TMEM63C: variants seen among roughly 807,000 people sequenced by gnomAD.
TMEM63C encodes osmosensitive cation channel TMEM63C.
TMEM63C carries 32 observed loss-of-function variants against 99.2 expected under a neutral mutation model. The observed-to-expected ratio is 0.32, with a 90% CI of 0.24 to 0.43. The LOEUF (loss-of-function observed/expected upper bound fraction) is 0.43. Among genes scored for constraint, TMEM63C ranks in the 20% least tolerant of loss-of-function variants. The pLI is 1.00. For synonymous variants in TMEM63C, 376 were observed against 397.9 expected (o/e 0.94, Z 0.66); for missense variants, 826 against 1,053.0 (o/e 0.78, Z 2.98).
At chr14:77,239,345 G>C in intron 10 of TMEM63C, 67 bp from the exon 11 acceptor site, 1 of 1,539,582 alleles carries the variant, frequency 6.5e-7, no homozygotes, top group Non-Finnish European at 9.0e-7. Context: ...GACATGCTGG[G>C]CAGGGGGTAG....
chr14:77,244,470 T>G lies in TMEM63C; in HGVS notation c.1448+15T>G, dbSNP rs1594868315. On this transcript the variant is annotated intron_variant, in intron 16 of 23. Coordinates refer to ENST00000298351, the MANE Select transcript of TMEM63C (RefSeq NM_020431.4). ...CACTGGACCAGGTGACCTGGGGGCC[T>G]CCTCTCGTAGCCCTGTGGTTTCTCC... 2 of 1,601,074 alleles carry G rather than the reference T, an allele frequency of 1.2e-6. No homozygotes were observed. The highest frequency in any genetic ancestry group is 4.5e-5 in the East Asian group (2 of 44,810).
At position 77,238,780 on chromosome 14, in the gene TMEM63C, G is replaced by T; in HGVS notation, c.725+13G>T. 1 of 1,611,794 alleles carries T rather than the reference G, an allele frequency of 6.2e-7. No homozygotes were observed. Among genetic ancestry groups the T allele is most frequent in the South Asian group, 1.1e-5 (1 of 91,004 alleles). The stretch of plus-strand genomic sequence containing the variant: ...TTAAGCATTTTCAGTAAGTGGGTTG[G>T]GGTAGGCCAAGGCGTGGATTGCTTC... On this transcript the variant is annotated intron_variant, in intron 10 of 23. Coordinates refer to ENST00000298351, the MANE Select transcript of TMEM63C (RefSeq NM_020431.4).
Position 77,258,778 on chromosome 14 carries a change from T to TCCCTGGC in TMEM63C, c.*2058_*2064dup, listed in dbSNP as rs1244681278. 6.6e-6 allele frequency: 1 copy of TCCCTGGC among 152,520 alleles called. No individual in the cohort carries two copies. The highest frequency in any genetic ancestry group is 1.5e-5 in the Non-Finnish European group (1 of 68,342). The allele number at this position is 152,520 out of a possible 1,614,324, so 9.4% of individuals were successfully genotyped here. ...GGGTCTCTTCTTTGCTGGACACAGCTCCCTGGCCCCTGCCCCCAGCCCCTG... is the reference window on the plus strand; with the variant it reads ...GGGTCTCTTCTTTGCTGGACACAGCTCCCTGGCCCCTGGCCCCTGCCCCCAGCCCCTG... On this transcript the variant is annotated 3_prime_UTR_variant, in exon 24 of 24. Coordinates refer to ENST00000298351, the MANE Select transcript of TMEM63C (RefSeq NM_020431.4).
intron 21 of TMEM63C, 150 bp from the exon 22 acceptor site, chr14:77,251,639 G>T (rs1032269720): frequency 3.2e-6 from 2 of 634,784 alleles, no homozygotes; most frequent in Non-Finnish European, 2.8e-6. Context: ...ATGTTATTTT[G>T]TCAGACTCCT....
At chr14:77,239,146 G>C (rs764936709) in intron 10 of TMEM63C, among the ~76,000 whole-genome samples, 3 of 152,194 alleles carry the variant, frequency 2.0e-5, no homozygotes, top group Non-Finnish European at 4.4e-5. Flanking sequence ...TTATCTCTTC[G>C]TGAACAGCTG....
chr14:77,214,059 C>G (rs539572772), intron 2 of TMEM63C, among the ~76,000 whole-genome samples: 3 of 152,256 alleles, frequency 2.0e-5, no homozygotes, highest in African/African-American at 7.2e-5. Context: ...GCTTCAATCC[C>G]TTTACCTTCA....
At chr14:77,186,422 G>A (rs531398946) in intron 1 of TMEM63C, among the ~76,000 whole-genome samples, 1 of 152,294 alleles carries the variant, frequency 6.6e-6, no homozygotes, top group Admixed American at 6.5e-5. Flanking sequence ...AAATGCTTCA[G>A]GCCATGCATG....
rs1291599552 is a variant in TMEM63C at position 77,236,359 on chromosome 14, T to A, written c.543-265T>A. ...GGGGGTATGGGCAGACTGTGGTGGG[T>A]GGGGGGTATGGGCAGACTGGTGGGG... On this transcript the variant is annotated intron_variant, in intron 8 of 23. Transcript: ENST00000298351. Among the ~76,000 whole-genome samples the A allele has an allele frequency of 3.6e-4, 2 of 5,594 alleles. 1 individual carries two copies. The highest frequency in any genetic ancestry group is 5.0e-3 in the Admixed American group (2 of 404). 3.7% of individuals were successfully genotyped at this position (5,594 alleles called of 152,430 possible).
intron 1 of TMEM63C, among the ~76,000 whole-genome samples, chr14:77,199,102 A>G (rs1373480343): frequency 6.6e-6 from 1 of 152,176 alleles, no homozygotes; most frequent in Non-Finnish European, 1.5e-5. Flanking sequence ...AAAGAAAGGG[A>G]GGGCAATCAG....
In TMEM63C at chr14:77,253,513, T is replaced by C. The variant is rs1400399208; in HGVS notation, c.2220+137T>C. On this transcript the variant is annotated intron_variant, in intron 23 of 23. Coordinates refer to ENST00000298351, the MANE Select transcript of TMEM63C (RefSeq NM_020431.4). ...GGAGATGGGGGACCCCTGGGCTCCC[T>C]CCTCTAATGGAGCAGGACTTGGCCC... is the stretch of plus-strand genomic sequence containing the variant. 1.2e-5 allele frequency: 10 copies of C among 800,996 alleles called. No individual in the cohort carries two copies. The Admixed American group carries it at 2.1e-4, about 16-fold the overall frequency. 49.6% of individuals were successfully genotyped at this position (800,996 alleles called of 1,614,324 possible). A position where few individuals can be genotyped will look rare whatever the true frequency, so the allele number is the denominator to read the frequency against.
intron 6 of TMEM63C, among the ~76,000 whole-genome samples, chr14:77,231,343 C>A (rs1430482058): frequency 6.6e-6 from 1 of 152,134 alleles, no homozygotes; most frequent in Non-Finnish European, 1.5e-5. Flanking sequence ...GAGTGTGTAT[C>A]TGTAACAGAG....
chr14:77,256,586 G>A lies in TMEM63C; in HGVS notation c.2281G>A (p.Ala761Thr). The A allele has an allele frequency of 6.2e-7, 1 of 1,614,032 alleles. No homozygotes were observed. The highest frequency in any genetic ancestry group is 2.2e-5 in the East Asian group (1 of 44,884). Residue 761 changes from alanine to threonine, a missense_variant, in exon 24 of 24, where the codon GCC (alanine) becomes ACC (threonine). Coordinates refer to ENST00000298351, the MANE Select transcript of TMEM63C (RefSeq NM_020431.4). ...ELNLTPASSP[A>T]RHTYGTMNNQ... ...GAATCTGACCCCCGCCTCCTCCCCAGCCAGGCACACCTATGGCACCATGAA... is the reference window on the plus strand; with the variant it reads ...GAATCTGACCCCCGCCTCCTCCCCAACCAGGCACACCTATGGCACCATGAA...
intron 7 of TMEM63C, among the ~76,000 whole-genome samples, chr14:77,232,578 G>T (rs998210866): frequency 1.3e-5 from 2 of 152,140 alleles, no homozygotes; most frequent in Non-Finnish European, 2.9e-5. Flanking sequence ...ATGAGCCACC[G>T]CACCTGGCCA....
intron 5 of TMEM63C, among the ~76,000 whole-genome samples, chr14:77,222,518 G>C (rs1018753629): frequency 2.6e-5 from 4 of 152,188 alleles, no homozygotes; most frequent in Non-Finnish European, 4.4e-5. Flanking sequence ...CTGCTGCAGA[G>C]ACCTTCACTG....
intron 9 of TMEM63C, 51 bp downstream of exon 9, chr14:77,236,783 C>A: frequency 1.5e-6 from 2 of 1,304,796 alleles, no homozygotes; most frequent in South Asian, 1.2e-5. Flanking sequence ...GGGTCCCTCC[C>A]CACTGGGCTG....
Position 77,233,490 on chromosome 14 carries a change from G to A in TMEM63C, c.532G>A (p.Val178Ile), listed in dbSNP as rs1469284764. 4 of 1,613,484 alleles carry A rather than the reference G, an allele frequency of 2.5e-6. No individual in the cohort carries two copies. In the African/African-American group the frequency reaches 5.3e-5, roughly 22 times the overall value. The change falls in exon 8 of 24, where the codon GTC becomes ATC. Residue 178 changes from valine (V) to isoleucine (I), a missense_variant. Transcript: ENST00000298351. ...SHFARTTIVNVSTESKLLWLH... is the reference protein window; with the variant it reads ...SHFARTTIVNISTESKLLWLH... ...CTTTGCTCGGACCACCATTGTCAAT[G>A]TCTCCACAGAGTAGGTACCTGATCT...
chr14:77,223,100 G>A (rs1181428478), intron 5 of TMEM63C, among the ~76,000 whole-genome samples: 1 of 152,156 alleles, frequency 6.6e-6, no homozygotes, highest in African/African-American at 2.4e-5. Flanking sequence ...CAGAGCCTCA[G>A]ACAAGTGACT....
At chr14:77,236,561 C>T in intron 8 of TMEM63C, 63 bp from the exon 9 acceptor site, 1 of 1,201,968 alleles carries the variant, frequency 8.3e-7, no homozygotes, top group Non-Finnish European at 1.2e-6. Context: ...CCAGGGGTCT[C>T]TGTGCAGTGG....
rs2140124597 is a variant in TMEM63C, at chr14:77,239,463, C to A, written c.777C>A (p.Val259=). ...CAAGAGTCCACTTCTGCTACGACGT[C>A]AGGAACCTGATCGACTTGGACGATC... ...VVTRVHFCYD[V]RNLIDLDDQR... The change falls in exon 11 of 24, where the codon GTC becomes GTA. Residue 259 remains valine, a synonymous_variant. Transcript: ENST00000298351. The A allele has an allele frequency of 6.2e-7, 1 of 1,613,686 alleles. No individual in the cohort carries two copies. The highest frequency in any genetic ancestry group is 2.2e-5 in the East Asian group (1 of 44,876).
Sources: allele counts gnomAD v4.1 joint callset (sites outside exome capture counted in the v4.1 genomes callset), GRCh38; gene constraint gnomAD v4.1.1; transcripts MANE v1.5; gene names NCBI Gene and HGNC (gene_info 2026-07-23, HGNC 2026-07-21).